Variants in MADD observed in about 807,000 individuals in gnomAD.
MADD encodes the protein MAP kinase activating death domain, also known as MAP kinase-activating death domain protein.
A neutral mutation model predicts 176.7 loss-of-function variants in MADD; 109 were observed. The ratio of observed to expected loss-of-function variants is 0.62; its 90% CI spans 0.53 to 0.72. The LOEUF (loss-of-function observed/expected upper bound fraction) is 0.72, where lower values mean the gene tolerates loss of function less well. MADD is among the 30% of genes least tolerant of loss of function. The pLI is 0.00. For missense variants in MADD, 1,914 were observed against 2,045.5 expected (o/e 0.94, Z 1.24); for synonymous variants, 771 against 771.3 (o/e 1.00, Z 0.01).
Position 47,284,398 on chromosome 11 carries a change from GCA to G in MADD, c.1992_1993del (p.Leu665GlyfsTer9). On this transcript the variant is annotated frameshift_variant, in exon 12 of 33. Transcript: ENST00000402192. LOFTEE classifies it high-confidence loss of function. ...AGATGTGGACCCTCTGACACATGCA[GCA>G]CTGGGGGATGCCAGCGAGGTGGAGA... The G allele has an allele frequency of 6.2e-7, 1 of 1,614,162 alleles. No individual in the cohort carries two copies. Among genetic ancestry groups the G allele is most frequent in the East Asian group, 2.2e-5 (1 of 44,882 alleles).
intron 16 of MADD, 64 bp from the exon 18 acceptor site, chr11:47,289,803 T>G: frequency 6.4e-7 from 1 of 1,566,808 alleles, no homozygotes; most frequent in Non-Finnish European, 8.7e-7. Context: ...CTAGTCTGGG[T>G]GAAAGGTGGG....
intron 22 of MADD, among the ~76,000 whole-genome samples, chr11:47,300,427 G>A (rs1377632968): frequency 1.3e-5 from 2 of 149,650 alleles, no homozygotes; most frequent in Non-Finnish European, 3.0e-5. Context: ...GGGTGGTCTC[G>A]AACTCCTGAC....
At chr11:47,276,597 C>T (rs1041430280) in intron 4 of MADD, 135 bp from the exon 5 acceptor site, 5 of 1,003,506 alleles carry the variant, frequency 5.0e-6, no homozygotes, top group Non-Finnish European at 7.4e-6. Flanking sequence ...CATGGTGGGG[C>T]AGGGGGCAGT....
At chr11:47,320,642 A>G (rs1011467749) in intron 27 of MADD, among the ~76,000 whole-genome samples, 1 of 151,784 alleles carries the variant, frequency 6.6e-6, no homozygotes, top group African/African-American at 2.4e-5. Context: ...AAAATTAGTC[A>G]TACATGTGGT....
chr11:47,278,844 T>C (rs188024348), intron 6 of MADD, among the ~76,000 whole-genome samples, 155 bp from the exon 7 acceptor site: 3 of 152,362 alleles, frequency 2.0e-5, no homozygotes, highest in East Asian at 3.8e-4. Flanking sequence ...ATGTATGTCA[T>C]ATATGTGTGT....
At chr11:47,283,167 C>G (rs182372088) in intron 10 of MADD, among the ~76,000 whole-genome samples, 198 bp downstream of exon 10, 63 of 152,330 alleles carry the variant, frequency 4.1e-4, no homozygotes, top group Admixed American at 3.7e-3. Flanking sequence ...AATCTCGGCT[C>G]ACTGCCAGCT....
intron 10 of MADD, 57 bp from the exon 11 acceptor site, chr11:47,284,121 A>C (rs2059031323): frequency 9.0e-7 from 1 of 1,115,492 alleles, no homozygotes; most frequent in East Asian, 2.3e-5. Context: ...TGCTGATTGT[A>C]GGTGTTCTCC....
chr11:47,295,740 C>G (rs1323385518), intron 21 of MADD, 157 bp from the exon 24 acceptor site: 1 of 985,180 alleles, frequency 1.0e-6, no homozygotes, highest in Admixed American at 6.2e-5. Flanking sequence ...GAGATTTCAC[C>G]CAGAGCTTCT....
chr11:47,279,109 A>T (rs1364164251), intron 7 of MADD, 30 bp downstream of exon 7: 3 of 1,596,578 alleles, frequency 1.9e-6, no homozygotes, highest in Non-Finnish European at 2.6e-6. Flanking sequence ...AAGAAAGGGG[A>T]GTATTAGATG....
chr11:47,303,089 G>A (rs1565460596), intron 22 of MADD, among the ~76,000 whole-genome samples: 1 of 151,916 alleles, frequency 6.6e-6, no homozygotes, highest in Non-Finnish European at 1.5e-5. Flanking sequence ...GCACAACTTT[G>A]CTGGGTATAG....
intron 12 of MADD, 104 bp from the exon 13 acceptor site, chr11:47,284,837 T>C (rs2059499137): frequency 6.7e-7 from 1 of 1,488,380 alleles, no homozygotes; most frequent in African/African-American, 1.4e-5. Context: ...ACACATTCCT[T>C]AGGCTAGAAA....
In MADD at chr11:47,329,066, C is replaced by T. The variant is rs181428672; in HGVS notation, c.4680C>T (p.Ser1560=). ...TCTAGGCCCACGAAATCTGCTACTC[C>T]GTATTATGTCTCTTCTCGTACGTGG... The change falls in exon 33 of 33, where the codon TCC becomes TCT. Residue 1560 remains serine, a synonymous_variant. Transcript: ENST00000402192. 5.3e-5 allele frequency: 86 copies of T among 1,614,060 alleles called. No individual in the cohort carries two copies. In the East Asian group the frequency reaches 6.9e-4, roughly 13 times the overall value.
intron 15 of MADD, among the ~76,000 whole-genome samples, chr11:47,286,818 A>T (rs1021544884): frequency 6.6e-6 from 1 of 152,120 alleles, no homozygotes; most frequent in East Asian, 1.9e-4. Context: ...TAACATAGGG[A>T]TCATCAGCTG....
At chr11:47,318,789 A>AT (rs57548484) in intron 27 of MADD, among the ~76,000 whole-genome samples, 871 of 82,460 alleles carry the variant, frequency 0.011, 129 homozygotes, top group Non-Finnish European at 0.015. Context: ...CAGTTTGGGA[A>AT]TTTTTTTTTT....
At chr11:47,328,409 T>C in intron 31 of MADD, 2 of 1,412,672 alleles carry the variant, frequency 1.4e-6, no homozygotes, top group South Asian at 3.1e-5. Flanking sequence ...ATCACGGCCA[T>C]CAAGTAAACG....
chr11:47,286,610 C>T (rs2060822932), intron 15 of MADD, 76 bp downstream of exon 15: 1 of 1,063,158 alleles, frequency 9.4e-7, no homozygotes, highest in Admixed American at 1.8e-5. Context: ...GTCAGGAGCC[C>T]TGCATCTGCT....
intron 27 of MADD, among the ~76,000 whole-genome samples, chr11:47,319,672 A>C (rs1213479204): frequency 6.6e-6 from 1 of 152,176 alleles, no homozygotes; most frequent in Non-Finnish European, 1.5e-5. Flanking sequence ...TTGTTTTTGC[A>C]CTTACGAAAG....
chr11:47,292,034 G>T (rs2065767690), intron 19 of MADD, among the ~76,000 whole-genome samples: 1 of 152,160 alleles, frequency 6.6e-6, no homozygotes, highest in South Asian at 2.1e-4. Flanking sequence ...GCATGAATTG[G>T]CCTTTGTTCA....
In MADD at chr11:47,284,198, A is replaced by G. The variant is rs181579722; in HGVS notation, c.1883A>G (p.Tyr628Cys). Residue 628 changes from tyrosine to cysteine, a missense_variant, in exon 11 of 33, where the codon TAT (tyrosine) becomes TGT (cysteine). Around this residue, in one of 2 missense-constraint regions of MADD, gnomAD observed 1,767 missense variants for 1,836.0 expected, o/e 0.96. Transcript: ENST00000402192. Reference sequence around the variant, plus strand: ...TGCAGTGGCAGTGATAGTATGGATTATGACGATTCAAGCTCTTCTTACTCC... The same window carrying G: ...TGCAGTGGCAGTGATAGTATGGATTGTGACGATTCAAGCTCTTCTTACTCC... The G allele has an allele frequency of 6.8e-6, 11 of 1,613,822 alleles. 1 individual carries two copies. In the South Asian group the frequency reaches 1.2e-4, roughly 18 times the overall value.
Sources: allele counts gnomAD v4.1 joint callset (sites outside exome capture counted in the v4.1 genomes callset), GRCh38; gene constraint gnomAD v4.1.1; regional missense constraint gnomAD v4.1.1; transcripts MANE v1.5; gene names NCBI Gene and HGNC (gene_info 2026-07-23, HGNC 2026-07-21).